The following NLRC5 variants were observed in gnomAD, a reference collection of about 807,000 sequenced individuals.
NLRC5 encodes NLR family CARD domain containing 5.
NLRC5 carries 114 observed loss-of-function variants against 206.9 expected under a neutral mutation model. The ratio of observed to expected loss-of-function variants is 0.55; its 90% CI spans 0.47 to 0.64. The LOEUF is 0.64. NLRC5 is among the 30% of genes least tolerant of loss of function. The pLI is 0.00. For missense variants in NLRC5, 2,008 were observed against 2,305.5 expected (o/e 0.87, Z 2.64); for synonymous variants, 952 against 962.8 (o/e 0.99, Z 0.21).
chr16:57,067,955 G>A (rs766948526), intron 36 of NLRC5, 127 bp downstream of exon 36: 71 of 727,494 alleles, frequency 9.8e-5, no homozygotes, highest in Non-Finnish European at 1.5e-4. Context: ...ACAAACCACA[G>A]GTGGCCCTGG....
chr16:57,048,045 A>C, intron 23 of NLRC5: 1 of 178,212 alleles, frequency 5.6e-6, no homozygotes, highest in Non-Finnish European at 1.2e-5. Context: ...GCCCCAGAAC[A>C]TCTGGGTCTG....
Position 57,034,201 on chromosome 16 carries a change from G to A in NLRC5, c.2577G>A (p.Ala859=), listed in dbSNP as rs1390686477. Residue 859 remains alanine, a synonymous_variant, in exon 13 of 49, where the codon GCG becomes GCA. Coordinates refer to ENST00000688547, the MANE Select transcript of NLRC5 (RefSeq NM_001384950.1). ...LQKCQLQVHD[A]EALIALLQEG... is the part of the protein sequence containing the mutation. ...AGTGTCAGCTCCAGGTCCACGATGC[G>A]GAGGCCCTCATAGCCCTGCTCCAGG... 1.4e-5 allele frequency: 23 copies of A among 1,614,060 alleles called. No homozygotes were observed. Among genetic ancestry groups the A allele is most frequent in the South Asian group, 9.9e-5 (9 of 91,062 alleles).
At chr16:56,999,722 T>A (rs577856925) in intron 1 of NLRC5, among the ~76,000 whole-genome samples, 55 of 152,364 alleles carry the variant, frequency 3.6e-4, no homozygotes, top group African/African-American at 1.2e-3. Flanking sequence ...TGGGGAGACA[T>A]CCTCAAGGTC....
chr16:57,064,880 T>A (rs1385790335), intron 32 of NLRC5, among the ~76,000 whole-genome samples: 1 of 152,162 alleles, frequency 6.6e-6, no homozygotes, highest in African/African-American at 2.4e-5. Flanking sequence ...TCTGAGATCA[T>A]GCCATTGCAC....
rs1282088843 is a variant in NLRC5 at position 57,017,086 on chromosome 16, T to C, written c.-115T>C. 2 of 152,736 alleles carry C rather than the reference T, an allele frequency of 1.3e-5. No individual in the cohort carries two copies. The highest frequency in any genetic ancestry group is 2.9e-5 in the Non-Finnish European group (2 of 68,076). The allele number at this position is 152,736 out of a possible 1,614,324, so 9.5% of individuals were successfully genotyped here. A position where few individuals can be genotyped will look rare whatever the true frequency, so the allele number is the denominator to read the frequency against. ...TCTCTCCCCTTAGGAGTCTGCACTA[T>C]GGAAACAACCTGTCAATCCAGCTCA... On this transcript the variant is annotated 5_prime_UTR_variant, in exon 2 of 49. It removes an upstream start codon present in the reference 5' UTR. Transcript: ENST00000688547.
chr16:57,030,410 GGCTGAAAAGATGGATGGGTGGATGAAAA>G lies in NLRC5; in HGVS notation c.2417+328_2417+355del, dbSNP rs769007485. On this transcript the variant is annotated intron_variant, in intron 10 of 48. Coordinates refer to ENST00000688547, the MANE Select transcript of NLRC5 (RefSeq NM_001384950.1). Reference sequence around the variant, plus strand: ...TGGATGGATGGATGGATGGATGGATGGCTGAAAAGATGGATGGGTGGATGAAAAGATGGATGGATGGATGGATGGATGG... The same window carrying G: ...TGGATGGATGGATGGATGGATGGATGGATGGATGGATGGATGGATGGATGG... Among the ~76,000 whole-genome samples the G allele has an allele frequency of 4.6e-4, 47 of 101,512 alleles. 5 individuals carry two copies. Among genetic ancestry groups the G allele is most frequent in the South Asian group, 6.3e-4 (2 of 3,172 alleles). The allele number at this position is 101,512 out of a possible 152,430, so 66.6% of individuals were successfully genotyped here.
At chr16:57,019,525 T>C (rs1234975919) in intron 2 of NLRC5, among the ~76,000 whole-genome samples, 1 of 152,172 alleles carries the variant, frequency 6.6e-6, no homozygotes, top group African/African-American at 2.4e-5. Context: ...TTAACCAGAA[T>C]GGAAGTGTAT....
chr16:57,043,297 C>T (rs534964436), intron 19 of NLRC5, among the ~76,000 whole-genome samples: 7 of 152,306 alleles, frequency 4.6e-5, no homozygotes, highest in African/African-American at 1.4e-4. Flanking sequence ...CTGTCACCAA[C>T]ATGTCTCATA....
At chr16:57,077,053 TG>T in intron 40 of NLRC5, 151 bp downstream of exon 40, 1 of 765,992 alleles carries the variant, frequency 1.3e-6, no homozygotes. Flanking sequence ...CCTAGAAGCT[TG>T]GGGGACCCAA....
intron 33 of NLRC5, among the ~76,000 whole-genome samples, chr16:57,065,721 G>A (rs1216669215): frequency 6.6e-6 from 1 of 152,196 alleles, no homozygotes; most frequent in Admixed American, 6.5e-5. Context: ...TTACTGGTTG[G>A]AGCCCATTAC....
rs1432314139 is a variant in NLRC5, at chr16:57,025,737, A to G, written c.794A>G (p.Asn265Ser). The change falls in exon 6 of 49, where the codon AAC becomes AGC. Residue 265 changes from asparagine (N) to serine (S), a missense_variant. Transcript: ENST00000688547. ...TTCCTTTTTGAATTCCGCCAGCTCA[A>G]CTTGATCACGAGGTTCCTGACACCG... ...ALFLFEFRQL[N>S]LITRFLTPSE... 1 of 1,614,210 alleles carries G rather than the reference A, an allele frequency of 6.2e-7. No homozygotes were observed. The highest frequency in any genetic ancestry group is 8.5e-7 in the Non-Finnish European group (1 of 1,180,020).
chr16:57,042,785 C>T (rs158483), intron 19 of NLRC5, among the ~76,000 whole-genome samples: 32,818 of 152,114 alleles, frequency 0.22, 4,308 homozygotes, highest in Non-Finnish European at 0.29. Context: ...CAGGCGTGGC[C>T]TCTGTTGGTG....
chr16:57,066,813 A>G (rs1349181698), intron 34 of NLRC5, among the ~76,000 whole-genome samples, 199 bp downstream of exon 34: 1 of 152,178 alleles, frequency 6.6e-6, no homozygotes, highest in African/African-American at 2.4e-5. Context: ...AGTCACCCCC[A>G]TGAACTTTCA....
At chr16:57,057,980 G>A (rs1291608172) in intron 27 of NLRC5, 85 bp from the exon 28 acceptor site, 4 of 1,082,780 alleles carry the variant, frequency 3.7e-6, no homozygotes, top group Non-Finnish European at 4.2e-6. Flanking sequence ...AGCAGTGACA[G>A]TGGATGCAGG....
chr16:57,030,561 T>C (rs750877981), intron 10 of NLRC5, among the ~76,000 whole-genome samples: 5 of 151,330 alleles, frequency 3.3e-5, no homozygotes, highest in Non-Finnish European at 7.4e-5. Flanking sequence ...GATGGATAGA[T>C]GAATGGATGG....
intron 38 of NLRC5, 55 bp from the exon 39 acceptor site, chr16:57,074,545 A>G: frequency 6.6e-7 from 1 of 1,523,026 alleles, no homozygotes; most frequent in Non-Finnish European, 9.1e-7. Flanking sequence ...AGACCCCCAG[A>G]CTGGACAGTG....
At chr16:57,046,428 G>A in intron 21 of NLRC5, 124 bp from the exon 22 acceptor site, 1 of 708,990 alleles carries the variant, frequency 1.4e-6, no homozygotes, top group South Asian at 1.8e-5. Flanking sequence ...TCCAAGTCTG[G>A]GAGTCCAATG....
At chr16:57,018,885 G>T (rs2060364391) in intron 2 of NLRC5, among the ~76,000 whole-genome samples, 1 of 152,202 alleles carries the variant, frequency 6.6e-6, no homozygotes, top group Non-Finnish European at 1.5e-5. Flanking sequence ...ATCCCCAACT[G>T]TTGGACATTT....
At chr16:57,019,161 G>A (rs557481555) in intron 2 of NLRC5, among the ~76,000 whole-genome samples, 1 of 152,266 alleles carries the variant, frequency 6.6e-6, no homozygotes, top group East Asian at 1.9e-4. Context: ...TTGGGAGGCC[G>A]AGGTGGGCAG....
Sources: gnomAD v4.1 joint callset for allele counts (sites outside exome capture counted in the v4.1 genomes callset) on GRCh38, gnomAD v4.1.1 for gene constraint, MANE v1.5 for transcripts, NCBI Gene and HGNC (gene_info 2026-07-23, HGNC 2026-07-21) for gene names.